The following TXNDC5 variants were observed in gnomAD, a reference collection of about 807,000 sequenced individuals.
TXNDC5 encodes the protein thioredoxin domain containing 5.
A neutral mutation model predicts 52.6 loss-of-function variants in TXNDC5; 44 were observed. That is an observed-to-expected ratio of 0.84 (90% CI 0.66 to 1.08). The LOEUF (loss-of-function observed/expected upper bound fraction) is 1.08. TXNDC5 is among the 50% of genes least tolerant of loss of function. The pLI, the probability that TXNDC5 is intolerant of heterozygous loss-of-function variation, is 0.00. For synonymous variants in TXNDC5, 241 were observed against 234.4 expected (o/e 1.03, Z -0.26); for missense variants, 600 against 565.5 (o/e 1.06, Z -0.62).
At chr6:7,897,449 T>C (rs1435932893) in intron 3 of TXNDC5, among the ~76,000 whole-genome samples, 3 of 152,256 alleles carry the variant, frequency 2.0e-5, no homozygotes, top group Non-Finnish European at 4.4e-5. Context: ...AATTCTGGTT[T>C]GCAGTATAAA....
At chr6:7,909,321 A>G (rs867764884) in intron 1 of TXNDC5, among the ~76,000 whole-genome samples, 2 of 152,242 alleles carry the variant, frequency 1.3e-5, no homozygotes, top group Non-Finnish European at 2.9e-5. Context: ...AAGAACCTGC[A>G]GGCTATTCCA....
At chr6:7,898,103 T>C (rs1760436900) in intron 3 of TXNDC5, among the ~76,000 whole-genome samples, 1 of 152,036 alleles carries the variant, frequency 6.6e-6, no homozygotes, top group Non-Finnish European at 1.5e-5. Flanking sequence ...CTCTGTTGCA[T>C]AGGCTGGAGT....
intron 4 of TXNDC5, among the ~76,000 whole-genome samples, chr6:7,892,676 G>A (rs1041953602): frequency 7.9e-5 from 12 of 151,974 alleles, no homozygotes; most frequent in African/African-American, 1.9e-4. Flanking sequence ...TTTTAAAAAC[G>A]GGAGTTTCCC....
intron 2 of TXNDC5, among the ~76,000 whole-genome samples, chr6:7,901,220 C>T (rs2113358540): frequency 6.6e-6 from 1 of 152,310 alleles, no homozygotes; most frequent in South Asian, 2.1e-4. Flanking sequence ...GCAACTGCAA[C>T]ATCTGCGGTA....
chr6:7,894,050 G>C (rs966656144), intron 4 of TXNDC5, among the ~76,000 whole-genome samples: 11 of 152,222 alleles, frequency 7.2e-5, no homozygotes, highest in Non-Finnish European at 1.2e-4. Flanking sequence ...ATGTGGTATA[G>C]AAAGATCTTT....
chr6:7,886,488 C>T (rs1759988239), intron 7 of TXNDC5, among the ~76,000 whole-genome samples: 1 of 152,218 alleles, frequency 6.6e-6, no homozygotes, highest in Non-Finnish European at 1.5e-5. Context: ...TCTCACTGGC[C>T]ACCCTATTCT....
intron 1 of TXNDC5, 88 bp downstream of exon 1, chr6:7,910,426 C>T (rs1760879610): frequency 8.1e-7 from 1 of 1,237,940 alleles, no homozygotes; most frequent in Middle Eastern, 3.2e-4. Flanking sequence ...TCCACGTGGC[C>T]CCGGGACCCC....
chr6:7,908,342 C>T (rs1760804630), intron 1 of TXNDC5, among the ~76,000 whole-genome samples: 1 of 149,670 alleles, frequency 6.7e-6, no homozygotes. Flanking sequence ...AAGCATCCAG[C>T]TAAATGTCTA....
rs1759827697 is a variant in TXNDC5, at chr6:7,883,155, C to T, written c.1288G>A (p.Asp430Asn). The change falls in exon 10 of 10, where the codon GAC becomes AAC. Residue 430 changes from aspartate to asparagine, a missense_variant. Coordinates refer to ENST00000379757, the MANE Select transcript of TXNDC5 (RefSeq NM_030810.5). ...LHRFVLSQAK[D>N]EL ...CTCCAACTGTGTTCCTAAAGTTCGT[C>T]TTTCGCTTGGCTCAGGACAAAGCGG... 1 of 1,614,206 alleles carries T rather than the reference C, an allele frequency of 6.2e-7. No homozygotes were observed. The highest frequency in any genetic ancestry group is 1.3e-5 in the African/African-American group (1 of 75,052).
At chr6:7,891,768 A>G in intron 4 of TXNDC5, 32 bp from the exon 5 acceptor site, 1 of 1,487,002 alleles carries the variant, frequency 6.7e-7, no homozygotes, top group Non-Finnish European at 9.4e-7. Flanking sequence ...GAGACGGGGG[A>G]AAGAGGAACT....
chr6:7,893,642 A>G (rs1760272744), intron 4 of TXNDC5, among the ~76,000 whole-genome samples: 1 of 152,244 alleles, frequency 6.6e-6, no homozygotes, highest in Non-Finnish European at 1.5e-5. Context: ...GCATTCCCGT[A>G]GCGGAAAGCA....
At chr6:7,885,667 T>C (rs963993292) in intron 8 of TXNDC5, among the ~76,000 whole-genome samples, 2 of 152,228 alleles carry the variant, frequency 1.3e-5, no homozygotes, top group Non-Finnish European at 2.9e-5. Flanking sequence ...CCATCATAAT[T>C]TGCCTCCATT....
rs562808603 is a variant in TXNDC5, at chr6:7,884,431, G to A, written c.1104C>T (p.Phe368=). 8 of 1,613,984 alleles carry A rather than the reference G, an allele frequency of 5.0e-6. No individual in the cohort carries two copies. The highest frequency in any genetic ancestry group is 1.7e-5 in the Admixed American group (1 of 60,002). The change falls in exon 9 of 10, where the codon TTC becomes TTT. Residue 368 remains phenylalanine (F), a synonymous_variant. Transcript: ENST00000379757. ...PTWEELSKKE[F]PGLAGVKIAE... ...CGATCTTGACCCCCGCCAGACCAGG[G>A]AATTCCTTTTTAGAGAGTTCCTCCC...
At chr6:7,895,247 A>G in intron 3 of TXNDC5, 45 bp from the exon 4 acceptor site, 1 of 1,557,606 alleles carries the variant, frequency 6.4e-7, no homozygotes, top group Non-Finnish European at 8.7e-7. Flanking sequence ...CAGTGGAGAC[A>G]CAGGGAAACC....
At chr6:7,904,225 T>C (rs1760665040) in intron 2 of TXNDC5, among the ~76,000 whole-genome samples, 1 of 152,300 alleles carries the variant, frequency 6.6e-6, no homozygotes, top group African/African-American at 2.4e-5. Flanking sequence ...GAAGGAACTA[T>C]AGGAAGGGTG....
In TXNDC5 at chr6:7,900,937, T is replaced by C. The variant is rs578103334; in HGVS notation, c.414-1256A>G. The stretch of plus-strand genomic sequence containing the variant: ...AGGATTTCCCCTATGAATGCTGGGG[T>C]ACACACACATTCAGTCCAAAAAAAA... On this transcript the variant is annotated intron_variant, in intron 2 of 9. Coordinates refer to ENST00000379757, the MANE Select transcript of TXNDC5 (RefSeq NM_030810.5). Among the ~76,000 whole-genome samples the C allele has an allele frequency of 9.1e-4, 135 of 148,898 alleles. 1 individual carries two copies. The highest frequency in any genetic ancestry group is 3.2e-3 in the African/African-American group (127 of 40,200).
At chr6:7,891,051 G>A (rs1327416779) in intron 5 of TXNDC5, among the ~76,000 whole-genome samples, 2 of 152,192 alleles carry the variant, frequency 1.3e-5, no homozygotes, top group Non-Finnish European at 2.9e-5. Flanking sequence ...ATGGTGTCTG[G>A]TGGGTGCTGG....
In TXNDC5 at chr6:7,882,285, T is replaced by TACA. The variant is rs1469804808; in HGVS notation, c.*856_*858dup. The TACA allele has an allele frequency of 2.0e-5, 3 of 152,384 alleles. No homozygotes were observed. Among genetic ancestry groups the TACA allele is most frequent in the Non-Finnish European group, 2.9e-5 (2 of 68,010 alleles). The allele number at this position is 152,384 out of a possible 1,614,324, so 9.4% of individuals were successfully genotyped here. ...TGGTCTTGTCACCCCAGGTGACAAATACAACTGGAATCTTTCAATGAGTTA... is the reference window on the plus strand; with the variant it reads ...TGGTCTTGTCACCCCAGGTGACAAATACAACAACTGGAATCTTTCAATGAGTTA... On this transcript the variant is annotated 3_prime_UTR_variant, in exon 10 of 10. Transcript: ENST00000379757.
At chr6:7,888,438 T>C (rs943368281) in intron 7 of TXNDC5, among the ~76,000 whole-genome samples, 1 of 152,234 alleles carries the variant, frequency 6.6e-6, no homozygotes, top group Non-Finnish European at 1.5e-5. Flanking sequence ...CTCTAGAGAT[T>C]TTTGACACCA....
Sources: gnomAD v4.1 joint callset for allele counts (sites outside exome capture counted in the v4.1 genomes callset) on GRCh38, gnomAD v4.1.1 for gene constraint, MANE v1.5 for transcripts, NCBI Gene and HGNC (gene_info 2026-07-23, HGNC 2026-07-21) for gene names.